The following FBN2 variants were observed in gnomAD, a reference collection of about 807,000 sequenced individuals.
FBN2 encodes the protein fibrillin 2, also known as fibrillin-2.
A neutral mutation model predicts 355.6 loss-of-function variants in FBN2; 105 were observed. The ratio of observed to expected loss-of-function variants is 0.30; its 90% CI spans 0.25 to 0.35. The LOEUF (loss-of-function observed/expected upper bound fraction) is 0.35. Ranked by LOEUF, FBN2 falls within the 10% of genes least tolerant of loss-of-function variation. FBN2 has a pLI of 1.00. For missense variants in FBN2, 3,280 were observed against 3,758.7 expected (o/e 0.87, Z 3.33); for synonymous variants, 1,350 against 1,301.2 (o/e 1.04, Z -0.81).
chr5:128,499,677 C>T (rs1755753106), intron 5 of FBN2, among the ~76,000 whole-genome samples: 1 of 152,194 alleles, frequency 6.6e-6, no homozygotes, highest in African/African-American at 2.4e-5. Context: ...AAACACTGAT[C>T]TAGCCCAATG....
intron 59 of FBN2, 78 bp from the exon 60 acceptor site, chr5:128,274,761 T>C (rs1765347541): frequency 1.1e-6 from 1 of 881,858 alleles, no homozygotes; most frequent in South Asian, 1.3e-5. Flanking sequence ...CCACAGGAGA[T>C]GCACATGCTC....
At chr5:128,284,047 T>G (rs747961835) in intron 55 of FBN2, among the ~76,000 whole-genome samples, 1 of 152,158 alleles carries the variant, frequency 6.6e-6, no homozygotes, top group African/African-American at 2.4e-5. Context: ...TTTAAGACAG[T>G]CACCTAAATG....
At chr5:128,313,840 G>C (rs1266621396) in intron 36 of FBN2, among the ~76,000 whole-genome samples, 2 of 111,974 alleles carry the variant, frequency 1.8e-5, no homozygotes, top group Admixed American at 1.2e-4. Flanking sequence ...GCAACAGAGC[G>C]AGACTCTGTC....
intron 7 of FBN2, among the ~76,000 whole-genome samples, chr5:128,411,820 A>G (rs1753076417): frequency 6.6e-6 from 1 of 152,244 alleles, no homozygotes; most frequent in Admixed American, 6.5e-5. Context: ...TCCTGTCTGT[A>G]TCACAATGTT....
At chr5:128,339,504 G>T (rs529193805) in intron 25 of FBN2, among the ~76,000 whole-genome samples, 9 of 152,068 alleles carry the variant, frequency 5.9e-5, no homozygotes, top group Non-Finnish European at 1.3e-4. Flanking sequence ...GAGCCCAAGA[G>T]GTCAAGGCTG....
intron 2 of FBN2, among the ~76,000 whole-genome samples, chr5:128,534,362 G>C (rs188701697): frequency 1.1e-3 from 172 of 152,142 alleles, no homozygotes; most frequent in Non-Finnish European, 2.0e-3. Context: ...TTAAATGTCA[G>C]ACTAATTGAA....
chr5:128,304,977 T>G lies in FBN2; in HGVS notation c.5780A>C (p.Gln1927Pro), dbSNP rs1199127115. Residue 1927 changes from glutamine to proline, a missense_variant, in exon 45 of 65, where the codon CAG (glutamine) becomes CCG (proline). By Grantham distance (76) the Gln-to-Pro change is moderately conservative. Coordinates refer to ENST00000262464, the MANE Select transcript of FBN2 (RefSeq NM_001999.4). ...CTTACCCATGCACATGGTCTGGTCCTGAGAAGCCTTAAAGCCATTGTGGCA... is the reference window on the plus strand; with the variant it reads ...CTTACCCATGCACATGGTCTGGTCCGGAGAAGCCTTAAAGCCATTGTGGCA... ...CICHNGFKAS[Q>P]DQTMCMDVDE... The G allele has an allele frequency of 2.5e-6, 4 of 1,613,928 alleles. No individual in the cohort carries two copies. The highest frequency in any genetic ancestry group is 3.4e-6 in the Non-Finnish European group (4 of 1,179,988).
chr5:128,502,729 G>A (rs192998855), intron 5 of FBN2, among the ~76,000 whole-genome samples: 346 of 152,262 alleles, frequency 2.3e-3, no homozygotes, highest in Non-Finnish European at 3.9e-3. Context: ...AAACAAATGA[G>A]ATTAGGAAGT....
At chr5:128,272,485 T>TATATATATATAA (rs1329583556) in intron 61 of FBN2, among the ~76,000 whole-genome samples, 13 of 147,398 alleles carry the variant, frequency 8.8e-5, no homozygotes, top group African/African-American at 3.0e-4. Flanking sequence ...TATATATATA[T>TATATATATATAA]AAAATATATT....
At chr5:128,306,281 T>C (rs1749874045) in intron 42 of FBN2, among the ~76,000 whole-genome samples, 1 of 152,212 alleles carries the variant, frequency 6.6e-6, no homozygotes, top group Admixed American at 6.5e-5. Flanking sequence ...TTTTCATCAT[T>C]GTATGTATTT....
intron 8 of FBN2, among the ~76,000 whole-genome samples, chr5:128,407,312 A>G (rs919388932): frequency 6.6e-6 from 1 of 152,172 alleles, no homozygotes; most frequent in African/African-American, 2.4e-5. Flanking sequence ...TATACTTATC[A>G]CACAGGGCTA....
intron 55 of FBN2, 72 bp downstream of exon 55, chr5:128,286,644 ATG>A: frequency 6.4e-7 from 1 of 1,551,004 alleles, no homozygotes; most frequent in Non-Finnish European, 8.9e-7. Flanking sequence ...AGTTAAGATG[ATG>A]TGGGAGTAGT....
rs572726382 is a variant in FBN2 at position 128,395,926 on chromosome 5, G to C, written c.1079-652C>G. 3.9e-5 allele frequency among the ~76,000 whole-genome samples: 6 copies of C among 152,296 alleles called. No homozygotes were observed. In the South Asian group the frequency reaches 1.2e-3, roughly 32 times the overall value. ...CGAGTGGAGGGTTTGGAGATTTCCTGGATGGTTACAATGAGAGAAGACAAT... is the reference window on the plus strand; with the variant it reads ...CGAGTGGAGGGTTTGGAGATTTCCTCGATGGTTACAATGAGAGAAGACAAT... On this transcript the variant is annotated intron_variant, in intron 8 of 64. Transcript: ENST00000262464.
chr5:128,532,746 T>C (rs1044271760), intron 2 of FBN2, among the ~76,000 whole-genome samples: 12 of 152,250 alleles, frequency 7.9e-5, no homozygotes, highest in African/African-American at 2.9e-4. Flanking sequence ...TTAGTACTTC[T>C]TATAAATGAA....
intron 11 of FBN2, among the ~76,000 whole-genome samples, chr5:128,390,259 G>A (rs1752477133): frequency 6.6e-6 from 1 of 152,168 alleles, no homozygotes; most frequent in African/African-American, 2.4e-5. Context: ...CAAGAAAGTT[G>A]GGGACTCTTT....
chr5:128,325,079 T>C (rs140834660), intron 34 of FBN2, among the ~76,000 whole-genome samples: 1,572 of 152,314 alleles, frequency 0.01, 13 homozygotes, highest in Middle Eastern at 0.017. Flanking sequence ...GAAGAATGTA[T>C]ATTTTGTTGA....
chr5:128,312,436 T>C (rs1388612298), intron 37 of FBN2, among the ~76,000 whole-genome samples, 198 bp downstream of exon 37: 1 of 152,210 alleles, frequency 6.6e-6, no homozygotes, highest in Non-Finnish European at 1.5e-5. Context: ...TAACATATCA[T>C]GATAAAACAT....
intron 5 of FBN2, among the ~76,000 whole-genome samples, chr5:128,479,910 G>A (rs1044479112): frequency 1.4e-5 from 2 of 140,382 alleles, no homozygotes; most frequent in African/African-American, 5.2e-5. Context: ...CTGGGCAACA[G>A]AACAAGACCT....
At chr5:128,469,982 T>C (rs1754813304) in intron 5 of FBN2, among the ~76,000 whole-genome samples, 1 of 152,012 alleles carries the variant, frequency 6.6e-6, no homozygotes, top group African/African-American at 2.4e-5. Flanking sequence ...GTCATGTGAG[T>C]TGGGTAGTTT....
Sources: gnomAD v4.1 joint callset for allele counts (sites outside exome capture counted in the v4.1 genomes callset) on GRCh38, gnomAD v4.1.1 for gene constraint, MANE v1.5 for transcripts, NCBI Gene and HGNC (gene_info 2026-07-23, HGNC 2026-07-21) for gene names.